FOXO3: variants seen among roughly 807,000 people sequenced by gnomAD.
The protein encoded by FOXO3 is forkhead box protein O3.
FOXO3 carries 4 observed loss-of-function variants against 41.9 expected under a neutral mutation model. The observed-to-expected ratio is 0.10, with a 90% confidence interval of 0.05 to 0.22. The LOEUF is 0.22. Ranked by LOEUF, FOXO3 falls within the 10% of genes least tolerant of loss-of-function variation. The probability of loss-of-function intolerance (pLI) is 1.00; values close to 1 mark genes in which losing one functional copy is unlikely to be tolerated. For synonymous variants in FOXO3, 318 were observed against 389.3 expected, an observed-to-expected ratio of 0.82 and a Z score of 2.16; for missense variants, 534 against 906.8, an observed-to-expected ratio of 0.59 and a Z score of 5.28.
chr6:108,632,974 A>AT (rs1016096988), intron 1 of FOXO3, among the ~76,000 whole-genome samples: 8 of 150,786 alleles, frequency 5.3e-5, no homozygotes, highest in African/African-American at 9.7e-5. Flanking sequence ...CCACTTGTAA[A>AT]TTTTTTTTTT....
At chr6:108,623,209 G>A (rs887282166) in intron 1 of FOXO3, among the ~76,000 whole-genome samples, 9 of 152,182 alleles carry the variant, frequency 5.9e-5, no homozygotes, top group Non-Finnish European at 1.2e-4. Context: ...GTGGGGCAGA[G>A]ACAGCAGGAG....
chr6:108,667,169 C>T (rs1251530142), intron 2 of FOXO3, among the ~76,000 whole-genome samples: 1 of 152,094 alleles, frequency 6.6e-6, no homozygotes, highest in Non-Finnish European at 1.5e-5. Flanking sequence ...TTTAATAGCC[C>T]TTGAGATGGT....
chr6:108,617,201 G>A (rs1295812280), intron 1 of FOXO3, among the ~76,000 whole-genome samples: 1 of 152,194 alleles, frequency 6.6e-6, no homozygotes, highest in East Asian at 1.9e-4. Flanking sequence ...GAACTGCCAA[G>A]TTGTTTTTTA....
rs1472220951 is a variant in FOXO3, at chr6:108,589,979, G to GT, written c.621+28152dup. Among the ~76,000 whole-genome samples, 117 of 152,240 alleles carry GT rather than the reference G, an allele frequency of 7.7e-4. 1 individual carries two copies. The highest frequency in any genetic ancestry group is 2.6e-3 in the African/African-American group (109 of 41,530). On this transcript the variant is annotated intron_variant, in intron 1 of 2. Transcript: ENST00000406360. ...CAGAAACTTTTTTATCCTCGATCAC[G>GT]TTATGGGTATTAAGAGAGTTATTCT...
At chr6:108,641,331 C>G (rs992932045) in intron 1 of FOXO3, among the ~76,000 whole-genome samples, 2 of 152,166 alleles carry the variant, frequency 1.3e-5, no homozygotes, top group African/African-American at 4.8e-5. Context: ...AGAACCCAAA[C>G]ATTCTTACTA....
At chr6:108,659,357 A>G (rs1476280041) in intron 1 of FOXO3, among the ~76,000 whole-genome samples, 1 of 152,202 alleles carries the variant, frequency 6.6e-6, no homozygotes, top group African/African-American at 2.4e-5. Context: ...TAGCCCAAGT[A>G]GATTAAATGG....
At chr6:108,650,089 A>ACTCTTT (rs1778506603) in intron 1 of FOXO3, among the ~76,000 whole-genome samples, 1 of 152,190 alleles carries the variant, frequency 6.6e-6, no homozygotes, top group Non-Finnish European at 1.5e-5. Flanking sequence ...GACCAAGTTA[A>ACTCTTT]AGAGTTCCAG....
intron 1 of FOXO3, among the ~76,000 whole-genome samples, chr6:108,584,612 G>A (rs1000324423): frequency 3.3e-5 from 5 of 152,160 alleles, no homozygotes; most frequent in African/African-American, 4.8e-5. Context: ...GTGAATTAAC[G>A]AGTGGAAGGC....
At chr6:108,642,272 G>A (rs550358815) in intron 1 of FOXO3, among the ~76,000 whole-genome samples, 1 of 151,950 alleles carries the variant, frequency 6.6e-6, no homozygotes, top group Non-Finnish European at 1.5e-5. Context: ...AAATTTTTTT[G>A]TAGAAATGAG....
chr6:108,564,720 AATAC>A, intron 1 of FOXO3, among the ~76,000 whole-genome samples: 1 of 152,312 alleles, frequency 6.6e-6, no homozygotes, highest in Non-Finnish European at 1.5e-5. Flanking sequence ...ACTTCTGAAA[AATAC>A]AAATACCCAG....
At chr6:108,607,269 T>G (rs1777232018) in intron 1 of FOXO3, among the ~76,000 whole-genome samples, 1 of 152,018 alleles carries the variant, frequency 6.6e-6, no homozygotes, top group Non-Finnish European at 1.5e-5. Context: ...CTGGGCAACA[T>G]GGCAAAGCCC....
At chr6:108,622,768 C>T (rs1276745116) in intron 1 of FOXO3, among the ~76,000 whole-genome samples, 2 of 152,072 alleles carry the variant, frequency 1.3e-5, no homozygotes, top group South Asian at 2.1e-4. Context: ...TCCTCATTTA[C>T]TCTGAGCAAG....
At chr6:108,574,483 G>GA (rs922796793) in intron 1 of FOXO3, among the ~76,000 whole-genome samples, 41 of 150,296 alleles carry the variant, frequency 2.7e-4, no homozygotes, top group African/African-American at 3.2e-4. Flanking sequence ...CAGATTTCAG[G>GA]AAAAAAAAAC....
intron 1 of FOXO3, among the ~76,000 whole-genome samples, chr6:108,572,034 C>T (rs979699177): frequency 6.6e-6 from 1 of 152,040 alleles, no homozygotes; most frequent in African/African-American, 2.4e-5. Flanking sequence ...AGAACATGTC[C>T]CTCTTTTGCA....
chr6:108,619,818 T>C (rs1405629312), intron 1 of FOXO3, among the ~76,000 whole-genome samples: 2 of 152,204 alleles, frequency 1.3e-5, no homozygotes, highest in African/African-American at 4.8e-5. Context: ...TCTGAAGTCA[T>C]GAGGATGTGA....
At chr6:108,636,178 T>C (rs1778115628) in intron 1 of FOXO3, among the ~76,000 whole-genome samples, 1 of 152,138 alleles carries the variant, frequency 6.6e-6, no homozygotes, top group South Asian at 2.1e-4. Context: ...GACCTGGAGA[T>C]TGAAGTGATC....
intron 1 of FOXO3, among the ~76,000 whole-genome samples, chr6:108,599,179 T>A (rs1317400679): frequency 6.6e-6 from 1 of 152,194 alleles, no homozygotes; most frequent in Non-Finnish European, 1.5e-5. Context: ...AAATGACCCT[T>A]CTGAATTGAA....
chr6:108,628,355 C>G (rs1017429107), intron 1 of FOXO3, among the ~76,000 whole-genome samples: 12 of 152,352 alleles, frequency 7.9e-5, no homozygotes, highest in African/African-American at 2.9e-4. Context: ...ACTCTTCTCT[C>G]CTCCCCCAAA....
At chr6:108,630,499 T>C (rs1777938599) in intron 1 of FOXO3, among the ~76,000 whole-genome samples, 1 of 152,174 alleles carries the variant, frequency 6.6e-6, no homozygotes, top group Non-Finnish European at 1.5e-5. Flanking sequence ...ATTGCGGACC[T>C]GGCTGCTCAA....
Sources: allele counts gnomAD v4.1 joint callset (sites outside exome capture counted in the v4.1 genomes callset), GRCh38; gene constraint gnomAD v4.1.1; transcripts MANE v1.5; gene names NCBI Gene and HGNC (gene_info 2026-07-23, HGNC 2026-07-21).